SGCZ: variants seen among roughly 807,000 people sequenced by gnomAD.
SGCZ encodes the protein sarcoglycan zeta.
SGCZ carries 40 observed loss-of-function variants against 41.3 expected under a neutral mutation model. The ratio of observed to expected loss-of-function variants is 0.97; its 90% CI spans 0.75 to 1.26. SGCZ has a LOEUF of 1.26. Among genes scored for constraint, SGCZ ranks in the 50% most tolerant of loss-of-function variants. The pLI is 0.00. For synonymous variants in SGCZ, 206 were observed against 137.5 expected (o/e 1.50, Z -3.49); for missense variants, 552 against 369.8 (o/e 1.49, Z -4.04).
chr8:14,946,998 G>T (rs1009209954), intron 1 of SGCZ, among the ~76,000 whole-genome samples: 1 of 151,950 alleles, frequency 6.6e-6, no homozygotes, highest in Non-Finnish European at 1.5e-5. Context: ...GTTAGGGTTT[G>T]AAACATAAAA....
intron 2 of SGCZ, among the ~76,000 whole-genome samples, chr8:14,367,264 T>G (rs1381090071): frequency 6.6e-6 from 1 of 152,088 alleles, no homozygotes; most frequent in Admixed American, 6.6e-5. Flanking sequence ...AGCCTGGAAT[T>G]CATTATCCAT....
intron 1 of SGCZ, among the ~76,000 whole-genome samples, chr8:15,236,860 G>T (rs1309503602): frequency 1.3e-5 from 2 of 151,972 alleles, no homozygotes; most frequent in African/African-American, 4.8e-5. Flanking sequence ...ACCGTGTGCG[G>T]CCGGAGCCTC....
chr8:14,185,830 G>A (rs551276641), intron 4 of SGCZ, among the ~76,000 whole-genome samples: 2 of 152,172 alleles, frequency 1.3e-5, no homozygotes, highest in Non-Finnish European at 2.9e-5. Context: ...AAATTGAGCA[G>A]ACCCCTTCTC....
chr8:14,993,715 A>T (rs1057290163), intron 1 of SGCZ, among the ~76,000 whole-genome samples: 2 of 152,164 alleles, frequency 1.3e-5, no homozygotes, highest in Non-Finnish European at 1.5e-5. Flanking sequence ...CAAGTTTGAG[A>T]AGGGTCAACC....
chr8:15,021,705 C>A (rs1563444087), intron 1 of SGCZ, among the ~76,000 whole-genome samples: 1 of 152,184 alleles, frequency 6.6e-6, no homozygotes, highest in Admixed American at 6.5e-5. Flanking sequence ...CCAGTGACTT[C>A]CATTGATTAG....
intron 1 of SGCZ, among the ~76,000 whole-genome samples, chr8:14,688,086 G>T (rs972131433): frequency 6.6e-6 from 1 of 151,918 alleles, no homozygotes; most frequent in Non-Finnish European, 1.5e-5. Flanking sequence ...TGTAGATTTT[G>T]GATATTAGCC....
At chr8:15,002,350 G>A (rs777765513) in intron 1 of SGCZ, among the ~76,000 whole-genome samples, 1 of 152,076 alleles carries the variant, frequency 6.6e-6, no homozygotes, top group African/African-American at 2.4e-5. Context: ...CAGATTGCAC[G>A]GTTGGTGCCT....
chr8:14,638,021 AG>A (rs1442422789), intron 1 of SGCZ, among the ~76,000 whole-genome samples: 1 of 151,734 alleles, frequency 6.6e-6, no homozygotes, highest in African/African-American at 2.4e-5. Flanking sequence ...GACTAGTCTG[AG>A]GTTATATTTC....
At chr8:14,356,706 T>A (rs946917106) in intron 2 of SGCZ, among the ~76,000 whole-genome samples, 2 of 151,982 alleles carry the variant, frequency 1.3e-5, no homozygotes, top group South Asian at 2.1e-4. Flanking sequence ...TTGGAAAAAA[T>A]TAAACCTATT....
At chr8:14,315,714 T>A (rs1801692474) in intron 3 of SGCZ, among the ~76,000 whole-genome samples, 1 of 151,764 alleles carries the variant, frequency 6.6e-6, no homozygotes. Context: ...GAAAACAGAA[T>A]ACTCAAGCAT....
At chr8:15,224,120 T>A (rs1801695682) in intron 1 of SGCZ, among the ~76,000 whole-genome samples, 5 of 152,280 alleles carry the variant, frequency 3.3e-5, no homozygotes. Context: ...CCTCCCAAAG[T>A]GCTGGGATAA....
chr8:15,213,171 A>G (rs1194193911), intron 1 of SGCZ, among the ~76,000 whole-genome samples: 2 of 152,058 alleles, frequency 1.3e-5, no homozygotes, highest in African/African-American at 4.8e-5. Context: ...TTAATCAAAG[A>G]TAAATTCACA....
At chr8:14,473,270 G>A (rs965757895) in intron 2 of SGCZ, among the ~76,000 whole-genome samples, 1 of 152,016 alleles carries the variant, frequency 6.6e-6, no homozygotes, top group Non-Finnish European at 1.5e-5. Context: ...GTTTAAAATT[G>A]TAACTATTTT....
chr8:15,076,201 T>C (rs1805524509), intron 1 of SGCZ, among the ~76,000 whole-genome samples: 1 of 152,220 alleles, frequency 6.6e-6, no homozygotes, highest in African/African-American at 2.4e-5. Context: ...TTTCATGACT[T>C]CTATTTTTTG....
chr8:14,101,704 C>G (rs751225851), intron 7 of SGCZ, among the ~76,000 whole-genome samples: 1 of 150,952 alleles, frequency 6.6e-6, no homozygotes, highest in Non-Finnish European at 1.5e-5. Context: ...AATAAAGGCA[C>G]TCTTTCTATG....
chr8:14,856,473 G>C (rs1436307377), intron 1 of SGCZ, among the ~76,000 whole-genome samples: 1 of 152,174 alleles, frequency 6.6e-6, no homozygotes, highest in Non-Finnish European at 1.5e-5. Flanking sequence ...TGTGGCCAAA[G>C]TTTTCCACAC....
intron 1 of SGCZ, among the ~76,000 whole-genome samples, chr8:14,608,658 T>G (rs988327589): frequency 1.5e-5 from 2 of 136,992 alleles, no homozygotes; most frequent in African/African-American, 5.4e-5. Context: ...TTTGGTGGGC[T>G]GGTGGAAGCT....
chr8:14,237,629 T>G lies in SGCZ; in HGVS notation c.387A>C (p.Arg129Ser), dbSNP rs545432693. 6.2e-7 allele frequency: 1 copy of G among 1,613,992 alleles called. No individual in the cohort carries two copies. Among genetic ancestry groups the G allele is most frequent in the Non-Finnish European group, 8.5e-7 (1 of 1,179,896 alleles). Residue 129 changes from arginine to serine, a missense_variant, in exon 4 of 8, where the codon AGA becomes AGC. Arg to Ser is a moderately radical substitution (Grantham distance 110). Coordinates refer to ENST00000382080, the MANE Select transcript of SGCZ (RefSeq NM_139167.4). ...QSDRNVTVNA[R>S]NHMGQLTGQL... ...GTCCGGTTAACTGCCCCATGTGATT[T>G]CTTGCATTCACTGTGACATTCCTGT...
rs534332324 is a variant in SGCZ, at chr8:14,605,798, C to T, written c.40-50872G>A. On this transcript the variant is annotated intron_variant, in intron 1 of 7. Coordinates refer to ENST00000382080, the MANE Select transcript of SGCZ (RefSeq NM_139167.4). ...AAAAAACAGTCAAGATTTAGGTGAA[C>T]AGAAAACATACTGGAATCTTATGTA... Among the ~76,000 whole-genome samples, 166 of 152,088 alleles carry T rather than the reference C, an allele frequency of 1.1e-3. 1 individual carries two copies. Among genetic ancestry groups the T allele is most frequent in the Non-Finnish European group, 1.2e-3 (81 of 67,992 alleles).
Sources: allele counts gnomAD v4.1 joint callset (sites outside exome capture counted in the v4.1 genomes callset), GRCh38; gene constraint gnomAD v4.1.1; transcripts MANE v1.5; gene names NCBI Gene and HGNC (gene_info 2026-07-23, HGNC 2026-07-21).